The following STAT4 variants were observed in gnomAD, a reference collection of about 807,000 sequenced individuals.
STAT4 encodes the protein signal transducer and activator of transcription 4.
In STAT4, 42 loss-of-function variants were observed where a neutral mutation model predicts 110.5. That is an observed-to-expected ratio of 0.38 (90% CI 0.30 to 0.49). STAT4 has a LOEUF of 0.49. STAT4 is among the 20% of genes least tolerant of loss of function. STAT4 has a pLI of 0.95. For synonymous variants in STAT4, 284 were observed against 302.2 expected, an observed-to-expected ratio of 0.94 and a Z score of 0.63; for missense variants, 632 against 887.9, an observed-to-expected ratio of 0.71 and a Z score of 3.66.
chr2:191,110,865 C>T lies in STAT4; in HGVS notation c.274-34540G>A, dbSNP rs1698404145. ...GTGGCGCAGTCTCGTCTCACTGCAA[C>T]CTCTGCCTCCTGGGTTCAAGCGATT... On this transcript the variant is annotated intron_variant, in intron 3 of 23. Transcript: ENST00000392320. This position sits in a 1 kb window ranked among gnomAD's most constrained non-coding sequence, Gnocchi z 4.5. Among the ~76,000 whole-genome samples, 1 of 152,174 alleles carries T rather than the reference C, an allele frequency of 6.6e-6. No individual in the cohort carries two copies. Among genetic ancestry groups the T allele is most frequent in the Non-Finnish European group, 1.5e-5 (1 of 68,044 alleles).
rs756575773 is a variant in STAT4, at chr2:191,146,824, C to T, written c.129-67G>A. 2.1e-6 allele frequency: 3 copies of T among 1,400,036 alleles called. No individual in the cohort carries two copies. Among genetic ancestry groups the T allele is most frequent in the African/African-American group, 3.0e-5 (2 of 67,712 alleles). 86.7% of individuals were successfully genotyped at this position (1,400,036 alleles called of 1,614,324 possible). Reference sequence around the variant, plus strand: ...GTAAAATGTCTACTTTTTTACCATACTAACTTTAAAACAATAAACCTATTA... The same window carrying T: ...GTAAAATGTCTACTTTTTTACCATATTAACTTTAAAACAATAAACCTATTA... On this transcript the variant is annotated intron_variant, in intron 2 of 23. Transcript: ENST00000392320. This position sits in a 1 kb window ranked among gnomAD's most constrained non-coding sequence, Gnocchi z 4.5.
chr2:191,074,152 G>A (rs1184108341), intron 4 of STAT4, among the ~76,000 whole-genome samples: 1 of 152,190 alleles, frequency 6.6e-6, no homozygotes, highest in African/African-American at 2.4e-5. Flanking sequence ...GTTCCTCCAA[G>A]CAGAACGTCT....
chr2:191,150,832 G>C lies in STAT4; in HGVS notation c.-2+115C>G. The C allele has an allele frequency of 1.2e-6, 1 of 867,232 alleles. No individual in the cohort carries two copies. 53.7% of individuals were successfully genotyped at this position (867,232 alleles called of 1,614,324 possible). On this transcript the variant is annotated intron_variant, in intron 1 of 23. Coordinates refer to ENST00000392320, the MANE Select transcript of STAT4 (RefSeq NM_003151.4). The surrounding 1 kb of genome is among the most constrained non-coding windows in gnomAD (Gnocchi z 6.4). Reference sequence around the variant, plus strand: ...TTCTATAATAAGCCTCCTCAGGAAGGTTAAAATGAAGCAATTGTCAAAACG... The same window carrying C: ...TTCTATAATAAGCCTCCTCAGGAAGCTTAAAATGAAGCAATTGTCAAAACG...
chr2:191,070,567 A>C (rs1278180501), intron 5 of STAT4, among the ~76,000 whole-genome samples: 3 of 152,200 alleles, frequency 2.0e-5, no homozygotes, highest in African/African-American at 7.2e-5. Context: ...TCCTAGATTC[A>C]GACTACTGTA....
Position 191,116,041 on chromosome 2 carries a change from T to C in STAT4, c.273+30572A>G, listed in dbSNP as rs1186728934. Among the ~76,000 whole-genome samples, 2 of 152,196 alleles carry C rather than the reference T, an allele frequency of 1.3e-5. No homozygotes were observed. The highest frequency in any genetic ancestry group is 1.3e-4 in the Admixed American group (2 of 15,282). On this transcript the variant is annotated intron_variant, in intron 3 of 23. Coordinates refer to ENST00000392320, the MANE Select transcript of STAT4 (RefSeq NM_003151.4). This position sits in a 1 kb window ranked among gnomAD's most constrained non-coding sequence, Gnocchi z 4.1. ...GTACGTTTGGTTGAAATGAACATTA[T>C]GACCACAGAAAAAACTTAGAATGTG... is the stretch of plus-strand genomic sequence containing the variant.
At chr2:191,118,056 A>T (rs564660262) in intron 3 of STAT4, among the ~76,000 whole-genome samples, 1 of 152,228 alleles carries the variant, frequency 6.6e-6, no homozygotes, top group Non-Finnish European at 1.5e-5. Flanking sequence ...CAAACTGGCA[A>T]AGATTAAAAC....
At position 191,119,642 on chromosome 2, in the gene STAT4, C is replaced by T. The variant is rs1461148108; in HGVS notation, c.273+26971G>A. The stretch of plus-strand genomic sequence containing the variant: ...ATTTAGTGTAATCCCAATGAAAATC[C>T]CTGCAGGTTTATTTGTTGAAATTGT... On this transcript the variant is annotated intron_variant, in intron 3 of 23. Transcript: ENST00000392320. Among the ~76,000 whole-genome samples the T allele has an allele frequency of 3.3e-5, 5 of 152,060 alleles. No homozygotes were observed. In the South Asian group the frequency reaches 1.0e-3, roughly 32 times the overall value.
At chr2:191,041,030 C>A in intron 15 of STAT4, 35 bp downstream of exon 15, 1 of 1,328,870 alleles carries the variant, frequency 7.5e-7, no homozygotes. Context: ...TTGCAAATGC[C>A]ATTAGTAAAT....
intron 1 of STAT4, among the ~76,000 whole-genome samples, chr2:191,149,360 AC>A (rs1170207891): frequency 1.3e-5 from 2 of 151,986 alleles, no homozygotes; most frequent in Admixed American, 6.6e-5. Flanking sequence ...TTATAAAAAA[AC>A]GTGTTGCCAA....
intron 15 of STAT4, among the ~76,000 whole-genome samples, chr2:191,040,050 C>A (rs1696146337): frequency 6.6e-6 from 1 of 152,154 alleles, no homozygotes; most frequent in Non-Finnish European, 1.5e-5. Flanking sequence ...AAACATATTA[C>A]CATCATTAAG....
chr2:191,135,445 T>A lies in STAT4; in HGVS notation c.273+11168A>T, dbSNP rs1413912027. Among the ~76,000 whole-genome samples, 1 of 152,178 alleles carries A rather than the reference T, an allele frequency of 6.6e-6. No individual in the cohort carries two copies. On this transcript the variant is annotated intron_variant, in intron 3 of 23. Transcript: ENST00000392320. The surrounding 1 kb of genome is among the most constrained non-coding windows in gnomAD (Gnocchi z 4.8). Reference sequence around the variant, plus strand: ...AGTCCAGGACTGGATGACTTTACTGTCGAATTCTTTGTTGTTGTTGTTGTT... The same window carrying A: ...AGTCCAGGACTGGATGACTTTACTGACGAATTCTTTGTTGTTGTTGTTGTT...
At chr2:191,076,159 T>C in intron 4 of STAT4, 68 bp downstream of exon 4, 5 of 1,317,996 alleles carry the variant, frequency 3.8e-6, no homozygotes, top group Non-Finnish European at 5.5e-6. Flanking sequence ...CTACCAAAGA[T>C]AATAATTTCT....
intron 3 of STAT4, among the ~76,000 whole-genome samples, chr2:191,092,277 G>A (rs538045326): frequency 1.4e-4 from 22 of 152,214 alleles, no homozygotes; most frequent in East Asian, 5.8e-4. Flanking sequence ...GGTGGCATGC[G>A]CCTGTAATCC....
intron 6 of STAT4, among the ~76,000 whole-genome samples, chr2:191,067,361 T>C (rs1037534482): frequency 6.6e-6 from 1 of 152,080 alleles, no homozygotes; most frequent in Non-Finnish European, 1.5e-5. Context: ...ACCTAGAAAC[T>C]GGACCCCTAA....
chr2:191,136,023 C>G (rs13417990), intron 3 of STAT4, among the ~76,000 whole-genome samples: 4 of 29,130 alleles, frequency 1.4e-4, no homozygotes, highest in Admixed American at 7.8e-4. Flanking sequence ...AAAAAAAAAA[C>G]CAAAAAACAA....
In STAT4 at chr2:191,091,531, G is replaced by A. The variant is rs1184507228; in HGVS notation, c.274-15206C>T. The stretch of plus-strand genomic sequence containing the variant: ...AGTATGTGTGTTTAATGCAATTAAA[G>A]TTAGAGTCCTAACTTTTGGAGGGTT... On this transcript the variant is annotated intron_variant, in intron 3 of 23. Transcript: ENST00000392320. The surrounding 1 kb of genome is among the most constrained non-coding windows in gnomAD (Gnocchi z 5.4). 2.6e-5 allele frequency among the ~76,000 whole-genome samples: 4 copies of A among 152,160 alleles called. No homozygotes were observed. The highest frequency in any genetic ancestry group is 6.5e-5 in the Admixed American group (1 of 15,282).
At chr2:191,102,988 C>T (rs1212493301) in intron 3 of STAT4, among the ~76,000 whole-genome samples, 1 of 152,152 alleles carries the variant, frequency 6.6e-6, no homozygotes, top group Non-Finnish European at 1.5e-5. Context: ...TTTAATTCTA[C>T]TCCTGTTTCT....
chr2:191,035,483 C>G lies in STAT4; in HGVS notation c.1570+681G>C, dbSNP rs1485996553. ...AATTTAACTAGAAACGCATATAGAT[C>G]TAATTTTAACTCTTTTTTTGGTGTT... On this transcript the variant is annotated intron_variant, in intron 17 of 23. Transcript: ENST00000392320. The surrounding 1 kb of genome is among the most constrained non-coding windows in gnomAD (Gnocchi z 4.7). Among the ~76,000 whole-genome samples the G allele has an allele frequency of 6.6e-6, 1 of 152,184 alleles. No homozygotes were observed.
chr2:191,114,937 A>AT (rs1472732937), intron 3 of STAT4, among the ~76,000 whole-genome samples: 5 of 152,092 alleles, frequency 3.3e-5, no homozygotes, highest in Non-Finnish European at 5.9e-5. Context: ...TGCCATTGTT[A>AT]TTTTTTTGTT....
Sources: gnomAD v4.1 joint callset for allele counts (sites outside exome capture counted in the v4.1 genomes callset) on GRCh38, gnomAD v4.1.1 for gene constraint, Gnocchi (gnomAD v3.1) non-coding constraint, MANE v1.5 for transcripts, NCBI Gene and HGNC (gene_info 2026-07-23, HGNC 2026-07-21) for gene names.